CHST1: variants seen among roughly 807,000 people sequenced by gnomAD.
CHST1 encodes carbohydrate sulfotransferase 1.
Under a neutral mutation model 22.5 loss-of-function variants are expected in CHST1, and 10 were observed. The ratio of observed to expected loss-of-function variants is 0.44; its 90% CI spans 0.27 to 0.75. CHST1 has a LOEUF of 0.75. CHST1 is among the 30% of genes least tolerant of loss of function. CHST1 has a pLI of 0.15. For synonymous variants in CHST1, 267 were observed against 264.5 expected (o/e 1.01, Z -0.09); for missense variants, 439 against 576.1 (o/e 0.76, Z 2.44).
rs557242360 is a variant in CHST1, at chr11:45,656,550, G to A, written c.-226-3944C>T. ...AGATGTCCCAGAGGGAGGGGGCCTC[G>A]AGGAGACTAGGGTGGGAGGAGACAC... is the stretch of plus-strand genomic sequence containing the variant. On this transcript the variant is annotated intron_variant, in intron 1 of 3. Transcript: ENST00000308064. Among the ~76,000 whole-genome samples, 7 of 152,198 alleles carry A rather than the reference G, an allele frequency of 4.6e-5. No individual in the cohort carries two copies. In the South Asian group the frequency reaches 1.0e-3, roughly 23 times the overall value.
chr11:45,659,163 G>A (rs916695632), intron 1 of CHST1, among the ~76,000 whole-genome samples: 8 of 152,200 alleles, frequency 5.3e-5, no homozygotes, highest in Admixed American at 3.9e-4. Context: ...CAGGCCAGGG[G>A]CTACTGCCAC....
rs1259070505 is a variant in CHST1 at position 45,648,006 on chromosome 11, G to A, written c.*1682C>T. ...AAGCTGTGACCTGCAGCCACCCCAG[G>A]GGCAGGTTTTCTTGGAATAAGAGCT... On this transcript the variant is annotated 3_prime_UTR_variant, in exon 4 of 4. Transcript: ENST00000308064. Among the ~76,000 whole-genome samples the A allele has an allele frequency of 6.6e-6, 1 of 152,176 alleles. No homozygotes were observed. The highest frequency in any genetic ancestry group is 1.5e-5 in the Non-Finnish European group (1 of 68,024).
chr11:45,650,004 C>T lies in CHST1; in HGVS notation c.920G>A (p.Arg307Gln), dbSNP rs185013796. Reference sequence around the variant, plus strand: ...CTCCTCGGTCTTCTTCATAGGGTTCCGAGCCAGGTCCTCGTAGCGCACCAA... The same window carrying T: ...CTCCTCGGTCTTCTTCATAGGGTTCTGAGCCAGGTCCTCGTAGCGCACCAA... ...YMLVRYEDLA[R>Q]NPMKKTEEIY... is the part of the protein sequence containing the mutation. Residue 307 changes from arginine (R) to glutamine (Q), a missense_variant, in exon 4 of 4, where the codon CGG (arginine) becomes CAG (glutamine). By Grantham distance (43) the Arg-to-Gln change is conservative. Coordinates refer to ENST00000308064, the MANE Select transcript of CHST1 (RefSeq NM_003654.6). 2.8e-5 allele frequency: 45 copies of T among 1,613,972 alleles called. No individual in the cohort carries two copies. In the East Asian group the frequency reaches 8.2e-4, roughly 30 times the overall value.
In CHST1 at chr11:45,650,842, C is replaced by T. The variant is rs1345692465; in HGVS notation, c.82G>A (p.Ala28Thr). 8 of 1,601,004 alleles carry T rather than the reference C, an allele frequency of 5.0e-6. No homozygotes were observed. The highest frequency in any genetic ancestry group is 6.8e-6 in the Non-Finnish European group (8 of 1,172,782). ...IQYTAIRTFT[A>T]KSFHTCPGLA... is the part of the protein sequence containing the mutation. ...CCGGGGCAGGTGTGAAAGGACTTGG[C>T]GGTGAAGGTGCGGATGGCCGTGTAC... The change falls in exon 4 of 4, where the codon GCC becomes ACC. Residue 28 changes from alanine to threonine, a missense_variant. Coordinates refer to ENST00000308064, the MANE Select transcript of CHST1 (RefSeq NM_003654.6).
intron 1 of CHST1, among the ~76,000 whole-genome samples, chr11:45,657,883 A>G (rs890588114): frequency 1.3e-5 from 2 of 152,164 alleles, no homozygotes; most frequent in African/African-American, 2.4e-5. Context: ...AGGCAGAACC[A>G]CTACATTTTC....
intron 1 of CHST1, among the ~76,000 whole-genome samples, chr11:45,659,535 T>C (rs1403023189): frequency 6.6e-6 from 1 of 152,164 alleles, no homozygotes; most frequent in East Asian, 1.9e-4. Context: ...CTGCCCTTCC[T>C]GGTTGGTTCC....
rs767843345 is a variant in CHST1, at chr11:45,649,331, C to T, written c.*357G>A. ...AAAAACTAGATACCCGACCACTCACCCATTCAAAAGCTTGAGAAGTCGCCT... is the reference window on the plus strand; with the variant it reads ...AAAAACTAGATACCCGACCACTCACTCATTCAAAAGCTTGAGAAGTCGCCT... On this transcript the variant is annotated 3_prime_UTR_variant, in exon 4 of 4. Transcript: ENST00000308064. The T allele has an allele frequency of 3.7e-5, 10 of 273,164 alleles. No homozygotes were observed. Among genetic ancestry groups the T allele is most frequent in the Non-Finnish European group, 5.5e-5 (8 of 145,614 alleles). The allele number at this position is 273,164 out of a possible 1,614,324, so 16.9% of individuals were successfully genotyped here.
At chr11:45,653,570 T>C (rs1004250906) in intron 1 of CHST1, among the ~76,000 whole-genome samples, 1 of 152,214 alleles carries the variant, frequency 6.6e-6, no homozygotes, top group Admixed American at 6.5e-5. Context: ...CAGTGCCCCA[T>C]GGTGAATGTG....
At chr11:45,664,835 G>C (rs1317566698) in intron 1 of CHST1, among the ~76,000 whole-genome samples, 3 of 152,212 alleles carry the variant, frequency 2.0e-5, no homozygotes, top group African/African-American at 7.2e-5. Flanking sequence ...CCCGAGCCAG[G>C]CGGGTCGTGG....
In CHST1 at chr11:45,650,309, G is replaced by A; in HGVS notation, c.615C>T (p.Ile205=). ...TCACCTCGGGCACGCGCACCGTCTT[G>A]ATGGCCACGTGGCTGCGCTCGCGGC... is the stretch of plus-strand genomic sequence containing the variant. ...EACRERSHVA[I]KTVRVPEVND... Residue 205 remains isoleucine (I), a synonymous_variant, in exon 4 of 4, where the codon ATC becomes ATT. Coordinates refer to ENST00000308064, the MANE Select transcript of CHST1 (RefSeq NM_003654.6). The A allele has an allele frequency of 1.2e-6, 2 of 1,605,112 alleles. No individual in the cohort carries two copies.
intron 1 of CHST1, among the ~76,000 whole-genome samples, chr11:45,659,269 T>G (rs899601718): frequency 1.3e-4 from 20 of 152,044 alleles, no homozygotes; most frequent in African/African-American, 4.3e-4. Flanking sequence ...CAGACTCGGC[T>G]CTAAAGAATC....
Position 45,650,069 on chromosome 11 carries a change from G to A in CHST1, c.855C>T (p.Thr285=), listed in dbSNP as rs1851971909. 1.2e-6 allele frequency: 2 copies of A among 1,614,008 alleles called. No homozygotes were observed. The highest frequency in any genetic ancestry group is 2.7e-5 in the African/African-American group (2 of 74,946). The change falls in exon 4 of 4, where the codon ACC becomes ACT. Residue 285 remains threonine (T), a synonymous_variant. Coordinates refer to ENST00000308064, the MANE Select transcript of CHST1 (RefSeq NM_003654.6). ...VCEDFSNSVS[T]GLMRPPWLKG... Reference sequence around the variant, plus strand: ...TGAGCCACGGGGGCCGCATGAGGCCGGTGGACACGGAGTTGGAGAAGTCCT... The same window carrying A: ...TGAGCCACGGGGGCCGCATGAGGCCAGTGGACACGGAGTTGGAGAAGTCCT...
Position 45,650,336 on chromosome 11 carries a change from C to G in CHST1, c.588G>C (p.Ala196=), listed in dbSNP as rs1851976600. The G allele has an allele frequency of 6.2e-7, 1 of 1,603,166 alleles. No homozygotes were observed. Among genetic ancestry groups the G allele is most frequent in the South Asian group, 1.1e-5 (1 of 91,036 alleles). The change falls in exon 4 of 4, where the codon GCG becomes GCC. Residue 196 remains alanine (A), a synonymous_variant. Coordinates refer to ENST00000308064, the MANE Select transcript of CHST1 (RefSeq NM_003654.6). ...GLLNLTVAAE[A]CRERSHVAIK... Reference sequence around the variant, plus strand: ...TGGCCACGTGGCTGCGCTCGCGGCACGCCTCGGCCGCCACGGTCAGGTTGA... The same window carrying G: ...TGGCCACGTGGCTGCGCTCGCGGCAGGCCTCGGCCGCCACGGTCAGGTTGA...
chr11:45,657,680 A>G (rs1464769075), intron 1 of CHST1, among the ~76,000 whole-genome samples: 1 of 152,128 alleles, frequency 6.6e-6, no homozygotes, highest in East Asian at 1.9e-4. Flanking sequence ...AACCAGTGCA[A>G]CCTTCCAGAG....
intron 1 of CHST1, among the ~76,000 whole-genome samples, chr11:45,664,675 G>A (rs12362984): frequency 1.3e-5 from 2 of 152,342 alleles, no homozygotes; most frequent in East Asian, 3.9e-4. Context: ...GCCCCACAGG[G>A]GCCCAGCTCA....
Position 45,649,519 on chromosome 11 carries a change from G to C in CHST1, c.*169C>G. ...CAGTGATTCCCGTCCAAGACGTAGTGCAAATTTCAGAGACAAAAAAGGGGC... is the reference window on the plus strand; with the variant it reads ...CAGTGATTCCCGTCCAAGACGTAGTCCAAATTTCAGAGACAAAAAAGGGGC... On this transcript the variant is annotated 3_prime_UTR_variant, in exon 4 of 4. Transcript: ENST00000308064. The C allele has an allele frequency of 1.4e-6, 1 of 723,406 alleles. No homozygotes were observed. The highest frequency in any genetic ancestry group is 1.9e-5 in the South Asian group (1 of 51,414). The allele number at this position is 723,406 out of a possible 1,614,324, so 44.8% of individuals were successfully genotyped here.
chr11:45,656,386 TAA>T (rs1056063104), intron 1 of CHST1, among the ~76,000 whole-genome samples: 3 of 152,178 alleles, frequency 2.0e-5, no homozygotes, highest in African/African-American at 7.2e-5. Flanking sequence ...CCAGCATATA[TAA>T]GTTTCAAAAG....
intron 3 of CHST1, chr11:45,651,207 G>A (rs1184051356): frequency 3.1e-6 from 1 of 323,754 alleles, no homozygotes; most frequent in Non-Finnish European, 5.6e-6. Flanking sequence ...GGACAGCTGC[G>A]GAAGCCTCTT....
Position 45,663,107 on chromosome 11 carries a change from C to T in CHST1, c.-227+2071G>A, listed in dbSNP as rs569651305. On this transcript the variant is annotated intron_variant, in intron 1 of 3. Coordinates refer to ENST00000308064, the MANE Select transcript of CHST1 (RefSeq NM_003654.6). ...TTATGAATATCAAATGCTCCCTCCC[C>T]ACACCAATGCAGAGTGGAGTTGGGA... Among the ~76,000 whole-genome samples the T allele has an allele frequency of 3.1e-3, 465 of 152,262 alleles. 4 individuals are homozygous for T. The highest frequency in any genetic ancestry group is 4.4e-3 in the Non-Finnish European group (301 of 68,022).
Sources: allele counts gnomAD v4.1 joint callset (sites outside exome capture counted in the v4.1 genomes callset), GRCh38; gene constraint gnomAD v4.1.1; transcripts MANE v1.5; gene names NCBI Gene and HGNC (gene_info 2026-07-23, HGNC 2026-07-21).